Variants in LRRTM4 observed in about 807,000 individuals in gnomAD.
The protein encoded by LRRTM4 is leucine-rich repeat transmembrane neuronal protein 4.
A neutral mutation model predicts 47.6 loss-of-function variants in LRRTM4; 25 were observed. The observed-to-expected ratio is 0.53, with a 90% CI of 0.38 to 0.73. LRRTM4 has a LOEUF of 0.73. Among genes scored for constraint, LRRTM4 ranks in the 30% least tolerant of loss-of-function variants. The pLI, the probability that LRRTM4 is intolerant of heterozygous loss-of-function variation, is 0.00. For missense variants in LRRTM4, 638 were observed against 713.4 expected, an observed-to-expected ratio of 0.89 and a Z score of 1.20; for synonymous variants, 311 against 269.5, an observed-to-expected ratio of 1.15 and a Z score of -1.51.
At chr2:77,160,861 T>A (rs905094062) in intron 3 of LRRTM4, among the ~76,000 whole-genome samples, 17 of 152,192 alleles carry the variant, frequency 1.1e-4, no homozygotes, top group Non-Finnish European at 1.9e-4. Flanking sequence ...GTCTGATTTT[T>A]TCCTTATCCA....
chr2:76,967,049 C>T (rs1466948893), intron 3 of LRRTM4, among the ~76,000 whole-genome samples: 1 of 151,478 alleles, frequency 6.6e-6, no homozygotes, highest in Non-Finnish European at 1.5e-5. Flanking sequence ...AATCAGGCTC[C>T]TAAGTCACTA....
At chr2:77,462,196 A>G (rs957398112) in intron 3 of LRRTM4, among the ~76,000 whole-genome samples, 1 of 152,050 alleles carries the variant, frequency 6.6e-6, no homozygotes, top group Non-Finnish European at 1.5e-5. Flanking sequence ...TCTTTTTCAC[A>G]GTATTGAGAA....
intron 3 of LRRTM4, among the ~76,000 whole-genome samples, chr2:76,818,191 A>G (rs1348775594): frequency 6.6e-6 from 1 of 151,920 alleles, no homozygotes; most frequent in African/African-American, 2.4e-5. Context: ...CTCAAAAATA[A>G]TAAGACAGAG....
chr2:77,103,329 A>G (rs1671006501), intron 3 of LRRTM4, among the ~76,000 whole-genome samples: 1 of 152,212 alleles, frequency 6.6e-6, no homozygotes, highest in Admixed American at 6.5e-5. Context: ...GAGACATTGC[A>G]CAGGCAACCT....
At chr2:77,129,070 C>G (rs1368360376) in intron 3 of LRRTM4, among the ~76,000 whole-genome samples, 1 of 152,174 alleles carries the variant, frequency 6.6e-6, no homozygotes, top group Non-Finnish European at 1.5e-5. Flanking sequence ...ACATTTTTCT[C>G]TTTGAATCTC....
At chr2:76,843,968 C>T (rs190490211) in intron 3 of LRRTM4, among the ~76,000 whole-genome samples, 126 of 141,436 alleles carry the variant, frequency 8.9e-4, no homozygotes, top group Non-Finnish European at 1.6e-3. Context: ...GTGGCGTGAT[C>T]TCGGCTCACT....
chr2:77,065,559 C>A (rs1378712231), intron 3 of LRRTM4, among the ~76,000 whole-genome samples: 1 of 152,012 alleles, frequency 6.6e-6, no homozygotes, highest in Non-Finnish European at 1.5e-5. Context: ...CATTTTGTAA[C>A]AACATAGTCT....
chr2:77,221,439 G>A (rs946857030), intron 3 of LRRTM4, among the ~76,000 whole-genome samples: 1 of 152,148 alleles, frequency 6.6e-6, no homozygotes, highest in African/African-American at 2.4e-5. Context: ...AGACCCATCA[G>A]TGTGCTGTAT....
At chr2:76,820,026 C>G (rs1173974248) in intron 3 of LRRTM4, among the ~76,000 whole-genome samples, 1 of 151,876 alleles carries the variant, frequency 6.6e-6, no homozygotes, top group East Asian at 1.9e-4. Flanking sequence ...TTACAGATAT[C>G]CACCCCCAGT....
intron 3 of LRRTM4, among the ~76,000 whole-genome samples, chr2:77,473,564 G>A (rs748174183): frequency 1.4e-4 from 21 of 152,212 alleles, no homozygotes; most frequent in Middle Eastern, 3.4e-3. Flanking sequence ...CATTGACCCA[G>A]TTGCAGCTTG....
intron 3 of LRRTM4, among the ~76,000 whole-genome samples, chr2:77,062,021 G>C (rs1679803454): frequency 6.6e-6 from 1 of 152,302 alleles, no homozygotes; most frequent in East Asian, 1.9e-4. Context: ...AATAGCTAAT[G>C]TTCCAGAATA....
intron 3 of LRRTM4, among the ~76,000 whole-genome samples, chr2:77,267,787 T>A (rs1676088242): frequency 7.8e-6 from 1 of 128,410 alleles, no homozygotes; most frequent in Admixed American, 7.8e-5. Context: ...ACAATTAGAA[T>A]TTCAAAGAAA....
intron 3 of LRRTM4, among the ~76,000 whole-genome samples, chr2:76,916,472 T>C (rs890294354): frequency 2.0e-5 from 3 of 151,362 alleles, no homozygotes; most frequent in Non-Finnish European, 2.9e-5. Flanking sequence ...ATCATGTCCA[T>C]GCTTTTTAAG....
At position 77,107,459 on chromosome 2, in the gene LRRTM4, A is replaced by G. The variant is rs1042479506; in HGVS notation, c.1552-358543T>C. On this transcript the variant is annotated intron_variant, in intron 3 of 3. Coordinates refer to ENST00000409884, the MANE Select transcript of LRRTM4 (RefSeq NM_001134745.3). ...TCTTTCTTGGAAAAATGAAACCACAATATGTTTCAAAATATAGGAGAGCAA... is the reference window on the plus strand; with the variant it reads ...TCTTTCTTGGAAAAATGAAACCACAGTATGTTTCAAAATATAGGAGAGCAA... Among the ~76,000 whole-genome samples the G allele has an allele frequency of 2.6e-5, 4 of 152,174 alleles. No individual in the cohort carries two copies. The East Asian group carries it at 5.8e-4, about 22-fold the overall frequency.
At chr2:77,141,628 G>T (rs1323868193) in intron 3 of LRRTM4, among the ~76,000 whole-genome samples, 1 of 151,908 alleles carries the variant, frequency 6.6e-6, no homozygotes, top group African/African-American at 2.4e-5. Flanking sequence ...TAAAAAAATG[G>T]TTTAACTCTA....
intron 3 of LRRTM4, among the ~76,000 whole-genome samples, chr2:77,018,312 AAG>A (rs1472808410): frequency 7.3e-6 from 1 of 137,034 alleles, no homozygotes; most frequent in Non-Finnish European, 1.5e-5. Context: ...AGCTGGTGAA[AAG>A]AGAACAGTCA....
chr2:77,521,518 A>G (rs900323927), intron 2 of LRRTM4, 150 bp downstream of exon 2: 27 of 813,622 alleles, frequency 3.3e-5, no homozygotes, highest in Non-Finnish European at 6.0e-6. Context: ...ATCTAAAAAT[A>G]TAATAGCAAC....
intron 3 of LRRTM4, among the ~76,000 whole-genome samples, chr2:76,915,901 G>C (rs1443369871): frequency 1.3e-5 from 2 of 152,060 alleles, no homozygotes; most frequent in Non-Finnish European, 2.9e-5. Context: ...AATAAACTTT[G>C]TGAGGAAATA....
chr2:76,973,109 T>C (rs1313828046), intron 3 of LRRTM4, among the ~76,000 whole-genome samples: 1 of 151,818 alleles, frequency 6.6e-6, no homozygotes, highest in Admixed American at 6.6e-5. Context: ...TCAAGTAAGA[T>C]ATAAATTAAT....
Sources: allele counts gnomAD v4.1 joint callset (sites outside exome capture counted in the v4.1 genomes callset), GRCh38; gene constraint gnomAD v4.1.1; transcripts MANE v1.5; gene names NCBI Gene and HGNC (gene_info 2026-07-23, HGNC 2026-07-21).